Variants in SPTLC3 observed in about 807,000 individuals in gnomAD.
SPTLC3 encodes serine palmitoyltransferase long chain base subunit 3.
In SPTLC3, 36 loss-of-function variants were observed where a neutral mutation model predicts 59.3. The observed-to-expected ratio is 0.61, with a 90% CI of 0.47 to 0.80. SPTLC3 has a LOEUF of 0.80. SPTLC3 is among the 30% of genes least tolerant of loss of function. The pLI, the probability that SPTLC3 is intolerant of heterozygous loss-of-function variation, is 0.00. For synonymous variants in SPTLC3, 257 were observed against 240.8 expected (o/e 1.07, Z -0.62); for missense variants, 625 against 685.1 (o/e 0.91, Z 0.98).
chr20:13,148,517 G>A (rs1019781620), intron 9 of SPTLC3, among the ~76,000 whole-genome samples: 5 of 152,164 alleles, frequency 3.3e-5, no homozygotes, highest in African/African-American at 9.7e-5. Context: ...AGGTATCTCA[G>A]GAACCTGAGC....
At chr20:13,132,365 C>A (rs2122831209) in intron 9 of SPTLC3, among the ~76,000 whole-genome samples, 1 of 151,862 alleles carries the variant, frequency 6.6e-6, no homozygotes, top group African/African-American at 2.4e-5. Context: ...TTAGTAGAGA[C>A]AGGGTTTCAC....
chr20:13,128,453 C>T (rs1158117306), intron 9 of SPTLC3, among the ~76,000 whole-genome samples: 1 of 152,208 alleles, frequency 6.6e-6, no homozygotes, highest in Non-Finnish European at 1.5e-5. Flanking sequence ...GACAGTGACT[C>T]AGGCTGCTTT....
At chr20:13,018,067 G>T (rs530405950) in intron 1 of SPTLC3, among the ~76,000 whole-genome samples, 2 of 152,284 alleles carry the variant, frequency 1.3e-5, no homozygotes, top group African/African-American at 4.8e-5. Flanking sequence ...ATGTATCTTG[G>T]AAGTGAATCC....
rs188899636 is a variant in SPTLC3, at chr20:13,055,174, C to G, written c.303+6044C>G. The stretch of plus-strand genomic sequence containing the variant: ...AGATACATGGATAGCAACATCACAT[C>G]CATTACAATGAAATGGTTCTGTTGG... On this transcript the variant is annotated intron_variant, in intron 2 of 11. Coordinates refer to ENST00000399002, the MANE Select transcript of SPTLC3 (RefSeq NM_018327.4). Among the ~76,000 whole-genome samples, 22 of 151,894 alleles carry G rather than the reference C, an allele frequency of 1.4e-4. No individual in the cohort carries two copies. In the East Asian group the frequency reaches 4.1e-3, roughly 28 times the overall value.
At chr20:13,086,223 GGGTAT>G (rs1302786927) in intron 4 of SPTLC3, among the ~76,000 whole-genome samples, 2 of 152,180 alleles carry the variant, frequency 1.3e-5, no homozygotes, top group Admixed American at 1.3e-4. Flanking sequence ...TACTCAATCA[GGGTAT>G]GGCCTGAATC....
At chr20:13,046,507 G>A (rs1246545819) in intron 1 of SPTLC3, among the ~76,000 whole-genome samples, 1 of 152,060 alleles carries the variant, frequency 6.6e-6, no homozygotes, top group African/African-American at 2.4e-5. Context: ...CTTCCTTCAT[G>A]AGACTCTGAG....
intron 4 of SPTLC3, among the ~76,000 whole-genome samples, chr20:13,080,194 A>G (rs1242164287): frequency 6.6e-6 from 1 of 152,168 alleles, no homozygotes; most frequent in Non-Finnish European, 1.5e-5. Flanking sequence ...GAAATAGGAT[A>G]CGTTTTTGAT....
chr20:13,048,856 T>G (rs911836988), intron 1 of SPTLC3, 89 bp from the exon 2 acceptor site: 13 of 1,179,066 alleles, frequency 1.1e-5, no homozygotes, highest in Non-Finnish European at 1.5e-5. Flanking sequence ...GCCTTTGGAA[T>G]TCAAAGGGTT....
intron 10 of SPTLC3, among the ~76,000 whole-genome samples, chr20:13,157,664 G>GA (rs60227191): frequency 8.5e-4 from 121 of 141,536 alleles, no homozygotes; most frequent in East Asian, 7.0e-3. Flanking sequence ...ACTACAAACA[G>GA]AAAAAAAAAA....
chr20:13,016,954 C>T (rs1985555387), intron 1 of SPTLC3, among the ~76,000 whole-genome samples: 1 of 152,118 alleles, frequency 6.6e-6, no homozygotes, highest in African/African-American at 2.4e-5. Flanking sequence ...GCTTTAGTAA[C>T]TCAACCAAGG....
chr20:13,135,376 C>T (rs2038218048), intron 9 of SPTLC3, among the ~76,000 whole-genome samples: 1 of 152,176 alleles, frequency 6.6e-6, no homozygotes. Flanking sequence ...AGTCACCCTC[C>T]ATTTGACTGC....
chr20:13,135,246 C>T (rs2038215627), intron 9 of SPTLC3, among the ~76,000 whole-genome samples: 1 of 152,156 alleles, frequency 6.6e-6, no homozygotes, highest in South Asian at 2.1e-4. Context: ...CCACAATGGG[C>T]AACACTGCTA....
chr20:13,127,149 G>T lies in SPTLC3; in HGVS notation c.1279+432G>T, dbSNP rs547105153. Reference sequence around the variant, plus strand: ...GTTGGACAGTGGAAGGCCACCACTGGCCATTGAGGATATATAGACAAAACA... The same window carrying T: ...GTTGGACAGTGGAAGGCCACCACTGTCCATTGAGGATATATAGACAAAACA... On this transcript the variant is annotated intron_variant, in intron 9 of 11. Coordinates refer to ENST00000399002, the MANE Select transcript of SPTLC3 (RefSeq NM_018327.4). Among the ~76,000 whole-genome samples the T allele has an allele frequency of 2.0e-5, 3 of 152,140 alleles. No individual in the cohort carries two copies. The East Asian group carries it at 5.8e-4, about 29-fold the overall frequency.
intron 7 of SPTLC3, among the ~76,000 whole-genome samples, chr20:13,116,740 C>T (rs995762342): frequency 2.0e-5 from 3 of 152,174 alleles, no homozygotes; most frequent in Non-Finnish European, 2.9e-5. Flanking sequence ...AGCAGTGGCC[C>T]TCTATATGTG....
intron 10 of SPTLC3, among the ~76,000 whole-genome samples, chr20:13,158,135 G>C (rs1461656129): frequency 6.6e-6 from 1 of 152,156 alleles, no homozygotes; most frequent in Non-Finnish European, 1.5e-5. Flanking sequence ...TAATACACTT[G>C]GAAGATGGTG....
intron 9 of SPTLC3, 138 bp from the exon 10 acceptor site, chr20:13,153,865 A>C (rs2038706679): frequency 5.0e-5 from 55 of 1,104,022 alleles, no homozygotes; most frequent in Non-Finnish European, 7.0e-5. Flanking sequence ...CCCAGGAGAT[A>C]TCTCCCTTCC....
At chr20:13,010,897 C>A (rs191416969) in intron 1 of SPTLC3, among the ~76,000 whole-genome samples, 126 of 152,180 alleles carry the variant, frequency 8.3e-4, no homozygotes, top group Non-Finnish European at 1.4e-3. Context: ...ATAACCACTC[C>A]TAAGTAAGGA....
At chr20:13,134,471 T>C (rs2038197620) in intron 9 of SPTLC3, among the ~76,000 whole-genome samples, 1 of 152,194 alleles carries the variant, frequency 6.6e-6, no homozygotes, top group South Asian at 2.1e-4. Context: ...TTCATGATGA[T>C]GGGAGTGCCA....
At chr20:13,164,265 G>A in intron 11 of SPTLC3, 1 of 453,582 alleles carries the variant, frequency 2.2e-6, no homozygotes, top group Non-Finnish European at 4.5e-6. Flanking sequence ...ACACAGAGAT[G>A]AGTATTTAAA....
Sources: allele counts gnomAD v4.1 joint callset (sites outside exome capture counted in the v4.1 genomes callset), GRCh38; gene constraint gnomAD v4.1.1; transcripts MANE v1.5; gene names NCBI Gene and HGNC (gene_info 2026-07-23, HGNC 2026-07-21).